LARS1: variants seen among roughly 807,000 people sequenced by gnomAD.
LARS1 encodes the protein leucyl-tRNA synthetase 1, also known as leucine--tRNA ligase, cytoplasmic.
LARS1 carries 100 observed loss-of-function variants against 162.8 expected under a neutral mutation model. That is an observed-to-expected ratio of 0.61 (90% CI 0.52 to 0.73). LARS1 has a LOEUF of 0.73. Ranked by LOEUF, LARS1 falls within the 30% of genes least tolerant of loss-of-function variation. The probability of loss-of-function intolerance (pLI) is 0.00; values close to 1 mark genes in which losing one functional copy is unlikely to be tolerated. For missense variants in LARS1, 1,258 were observed against 1,408.9 expected (o/e 0.89, Z 1.71); for synonymous variants, 457 against 462.8 (o/e 0.99, Z 0.16).
intron 23 of LARS1, 46 bp downstream of exon 23, chr5:146,132,852 G>A (rs759954322): frequency 3.5e-6 from 5 of 1,441,798 alleles, no homozygotes; most frequent in African/African-American, 2.8e-5. Context: ...AATGCACCAG[G>A]ACTAAGTAAC....
intron 20 of LARS1, among the ~76,000 whole-genome samples, chr5:146,140,553 A>T (rs1328689194): frequency 1.3e-5 from 2 of 152,246 alleles, no homozygotes; most frequent in Non-Finnish European, 2.9e-5. Flanking sequence ...CACGCCCGTA[A>T]TCCCAGCACT....
At chr5:146,159,974 C>T (rs560612453) in intron 7 of LARS1, among the ~76,000 whole-genome samples, 1 of 152,126 alleles carries the variant, frequency 6.6e-6, no homozygotes, top group Non-Finnish European at 1.5e-5. Context: ...CTCCCATTCT[C>T]CCTGGTTATA....
At chr5:146,149,008 G>A (rs1753141049) in intron 15 of LARS1, among the ~76,000 whole-genome samples, 1 of 152,150 alleles carries the variant, frequency 6.6e-6, no homozygotes, top group Non-Finnish European at 1.5e-5. Context: ...CCAGGAGGTG[G>A]AGGTTGCAGT....
Position 146,172,727 on chromosome 5 carries a change from C to A in LARS1, c.173G>T (p.Arg58Leu), listed in dbSNP as rs148510496. ...VTFPYPYMNG[R>L]LHLGHTFSLS... ...AGAAAACGTGTGTCCCAAATGAAGG[C>A]GTCCATTCATATATGGATATGGGAA... Residue 58 changes from arginine to leucine, a missense_variant, in exon 3 of 32, where the codon CGC becomes CTC. Transcript: ENST00000394434. 4.1e-5 allele frequency: 65 copies of A among 1,583,996 alleles called. No individual in the cohort carries two copies. In the African/African-American group the frequency reaches 8.0e-4, roughly 20 times the overall value.
chr5:146,175,163 G>A (rs1754497430), intron 2 of LARS1, among the ~76,000 whole-genome samples: 7 of 151,826 alleles, frequency 4.6e-5, no homozygotes. Flanking sequence ...AGGTTGCAGT[G>A]AGCTGAGATC....
chr5:146,149,030 G>A (rs558583179), intron 15 of LARS1, among the ~76,000 whole-genome samples: 4 of 152,132 alleles, frequency 2.6e-5, no homozygotes, highest in Admixed American at 6.5e-5. Flanking sequence ...AGCTGAGATC[G>A]CGCCATTGCA....
rs1485093931 is a variant in LARS1, at chr5:146,113,908, A to T, written c.*198T>A. 1 of 548,324 alleles carries T rather than the reference A, an allele frequency of 1.8e-6. No individual in the cohort carries two copies. The highest frequency in any genetic ancestry group is 3.2e-6 in the Non-Finnish European group (1 of 310,590). 34.0% of individuals were successfully genotyped at this position (548,324 alleles called of 1,614,324 possible). On this transcript the variant is annotated 3_prime_UTR_variant, in exon 32 of 32. Coordinates refer to ENST00000394434, the MANE Select transcript of LARS1 (RefSeq NM_020117.11). The stretch of plus-strand genomic sequence containing the variant: ...CAAAAACCATTTCTCTTGGACACCC[A>T]AAGAAAGGGAAAAAAAATTTATTAG...
At chr5:146,150,107 G>A (rs1178552926) in intron 14 of LARS1, among the ~76,000 whole-genome samples, 1 of 152,166 alleles carries the variant, frequency 6.6e-6, no homozygotes, top group Non-Finnish European at 1.5e-5. Context: ...CTGCAGGTGA[G>A]TATTCTTTGC....
At chr5:146,168,853 G>A (rs1754135783) in intron 4 of LARS1, among the ~76,000 whole-genome samples, 1 of 151,752 alleles carries the variant, frequency 6.6e-6, no homozygotes, top group Non-Finnish European at 1.5e-5. Context: ...ATATAAAGAT[G>A]TAGGAAACAT....
chr5:146,133,374 T>C (rs1581023089), intron 22 of LARS1, among the ~76,000 whole-genome samples: 1 of 152,230 alleles, frequency 6.6e-6, no homozygotes, highest in African/African-American at 2.4e-5. Context: ...GAGGCAGAGA[T>C]AGAAAATGAT....
intron 12 of LARS1, 58 bp from the exon 13 acceptor site, chr5:146,153,285 G>T: frequency 8.3e-7 from 1 of 1,201,154 alleles, no homozygotes; most frequent in Non-Finnish European, 1.2e-6. Context: ...GAGAATCATT[G>T]AGAGAAGCAA....
At position 146,151,931 on chromosome 5, in the gene LARS1, C is replaced by T. The variant is rs751919367; in HGVS notation, c.1356G>A (p.Gln452=). The change falls in exon 14 of 32, where the codon CAG becomes CAA. Residue 452 remains glutamine, a synonymous_variant. Transcript: ENST00000394434. ...CAAGTTTTTCCCGGTCATTCTGGCT[C>T]TGAATTTTCAACTCATCACAAATGG... The part of the protein sequence containing the change: ...AVTICDELKI[Q]SQNDREKLAE... 6.2e-7 allele frequency: 1 copy of T among 1,614,128 alleles called. No homozygotes were observed. Among genetic ancestry groups the T allele is most frequent in the South Asian group, 1.1e-5 (1 of 91,088 alleles).
At chr5:146,180,661 CTGTTTCTCAGAAAAACT>C (rs1024633314) in intron 1 of LARS1, among the ~76,000 whole-genome samples, 1 of 152,112 alleles carries the variant, frequency 6.6e-6, no homozygotes, top group Admixed American at 6.6e-5. Context: ...TTTGAGTTTT[CTGTTTCTCAGAAAAACT>C]TGTTTCTCAA....
chr5:146,159,453 GGA>G lies in LARS1; in HGVS notation c.723_724del (p.Pro242GlufsTer10). ...ATCCATGCAAGGCTGTCCATCTTTC[GGA>G]GAGTAAATTGTATACCTAAAAAATA... On this transcript the variant is annotated frameshift_variant, in exon 8 of 32. Coordinates refer to ENST00000394434, the MANE Select transcript of LARS1 (RefSeq NM_020117.11). LOFTEE classifies it high-confidence loss of function. The G allele has an allele frequency of 6.2e-7, 1 of 1,610,988 alleles. No individual in the cohort carries two copies. Among genetic ancestry groups the G allele is most frequent in the Non-Finnish European group, 8.5e-7 (1 of 1,177,602 alleles).
intron 14 of LARS1, among the ~76,000 whole-genome samples, chr5:146,150,127 T>G (rs928973424): frequency 6.6e-5 from 10 of 152,098 alleles, no homozygotes; most frequent in African/African-American, 2.4e-4. Context: ...CCTGACCATG[T>G]GATAAAGCTT....
chr5:146,151,864 C>A lies in LARS1; in HGVS notation c.1423G>T (p.Gly475Cys), dbSNP rs1320544869. ...AACTAAAAAAAATTATTACTTACAC[C>A]CTCATAAAATCCTTTTAGATATATC... is the stretch of plus-strand genomic sequence containing the variant. Reference protein sequence around the residue: ...EKIYLKGFYEGIMLVDGFKGQ... With the variant: ...EKIYLKGFYECIMLVDGFKGQ... The change falls in exon 14 of 32, where the codon GGT becomes TGT. Residue 475 changes from glycine to cysteine, a missense_variant and splice_region_variant. Coordinates refer to ENST00000394434, the MANE Select transcript of LARS1 (RefSeq NM_020117.11). 6.2e-7 allele frequency: 1 copy of A among 1,612,370 alleles called. No individual in the cohort carries two copies.
In LARS1 at chr5:146,176,269, T is replaced by C. The variant is rs147986771; in HGVS notation, c.125+1278A>G. Among the ~76,000 whole-genome samples, 1,188 of 151,698 alleles carry C rather than the reference T, an allele frequency of 7.8e-3. 13 individuals are homozygous for C. Among genetic ancestry groups the C allele is most frequent in the African/African-American group, 0.027 (1,129 of 41,366 alleles). ...GAAATCGAGACCATCCTGGCCAACA[T>C]GGTAAAACCCCGTCTCTACTAAAAA... On this transcript the variant is annotated intron_variant, in intron 2 of 31. Coordinates refer to ENST00000394434, the MANE Select transcript of LARS1 (RefSeq NM_020117.11).
chr5:146,128,952 TAA>T (rs747958835), intron 26 of LARS1, 24 bp downstream of exon 26: 4 of 1,198,916 alleles, frequency 3.3e-6, no homozygotes, highest in South Asian at 1.6e-5. Context: ...AATAATCCTT[TAA>T]AAAAAAAAAC....
At position 146,131,027 on chromosome 5, in the gene LARS1, CA is replaced by C; in HGVS notation, c.2478del (p.Phe826LeufsTer56). The C allele has an allele frequency of 1.3e-6, 2 of 1,577,128 alleles. No homozygotes were observed. Among genetic ancestry groups the C allele is most frequent in the Non-Finnish European group, 1.7e-6 (2 of 1,154,522 alleles). ...AAGAATCAACAGCCTACCTGAAACT[CA>C]AAAAACCCTGTTTTCAAAGCTTCTT... ...MFKEALKTGF[F>X]EFQAAKDKYR... On this transcript the variant is annotated frameshift_variant, in exon 24 of 32. Coordinates refer to ENST00000394434, the MANE Select transcript of LARS1 (RefSeq NM_020117.11). LOFTEE classifies it high-confidence loss of function.
Sources: gnomAD v4.1 joint callset for allele counts (sites outside exome capture counted in the v4.1 genomes callset) on GRCh38, gnomAD v4.1.1 for gene constraint, MANE v1.5 for transcripts, NCBI Gene and HGNC (gene_info 2026-07-23, HGNC 2026-07-21) for gene names.